Variants in SPATA17 observed in about 807,000 individuals in gnomAD.
SPATA17 encodes the protein spermatogenesis-associated protein 17.
SPATA17 carries 53 observed loss-of-function variants against 62.2 expected under a neutral mutation model. The observed-to-expected ratio is 0.85, with a 90% confidence interval of 0.68 to 1.07. SPATA17 has a LOEUF of 1.07. Ranked by LOEUF, SPATA17 falls within the 50% of genes least tolerant of loss-of-function variation. SPATA17 has a pLI of 0.00. For missense variants in SPATA17, 466 were observed against 425.5 expected, an observed-to-expected ratio of 1.10 and a Z score of -0.84; for synonymous variants, 146 against 146.8, an observed-to-expected ratio of 0.99 and a Z score of 0.04.
At chr1:217,661,672 C>G (rs1191087063) in intron 3 of SPATA17, among the ~76,000 whole-genome samples, 1 of 152,076 alleles carries the variant, frequency 6.6e-6, no homozygotes, top group African/African-American at 2.4e-5. Flanking sequence ...CAACATAACC[C>G]AAATTTGCCT....
intron 3 of SPATA17, among the ~76,000 whole-genome samples, chr1:217,658,737 G>A (rs370393355): frequency 5.3e-5 from 8 of 152,094 alleles, no homozygotes; most frequent in African/African-American, 1.7e-4. Flanking sequence ...CAGCCTGGGC[G>A]ACAGAGCGAG....
At chr1:217,684,949 G>T (rs1259810389) in intron 5 of SPATA17, among the ~76,000 whole-genome samples, 2 of 152,130 alleles carry the variant, frequency 1.3e-5, no homozygotes, top group Non-Finnish European at 2.9e-5. Flanking sequence ...AGCAGTTAAG[G>T]GGGGAAGGCT....
chr1:217,812,909 A>G (rs17046875), intron 9 of SPATA17, among the ~76,000 whole-genome samples: 5,862 of 152,234 alleles, frequency 0.039, 330 homozygotes, highest in African/African-American at 0.13. Context: ...AAAAATTCAG[A>G]AAGAGACTCT....
chr1:217,763,416 G>A (rs2102964687), intron 6 of SPATA17, among the ~76,000 whole-genome samples: 1 of 151,940 alleles, frequency 6.6e-6, no homozygotes, highest in African/African-American at 2.4e-5. Flanking sequence ...AAACATTTTT[G>A]GTGAGTTTGA....
In SPATA17 at chr1:217,870,889, T is replaced by C. The variant is rs1196248088; in HGVS notation, c.*3870T>C. 1.3e-5 allele frequency: 2 copies of C among 152,158 alleles called. No homozygotes were observed. The highest frequency in any genetic ancestry group is 1.9e-4 in the East Asian group (1 of 5,200). The allele number at this position is 152,158 out of a possible 1,614,324, so 9.4% of individuals were successfully genotyped here. A position where few individuals can be genotyped will look rare whatever the true frequency, so the allele number is the denominator to read the frequency against. On this transcript the variant is annotated 3_prime_UTR_variant, in exon 11 of 11. Coordinates refer to ENST00000366933, the MANE Select transcript of SPATA17 (RefSeq NM_138796.4). ...TGGACCCAACATCTAACAGAATACC[T>C]GGCATAAAGTGAAATCCATCGAATG...
rs181424482 is a variant in SPATA17 at position 217,735,279 on chromosome 1, A to C, written c.396-6696A>C. 2.0e-5 allele frequency among the ~76,000 whole-genome samples: 3 copies of C among 152,332 alleles called. No homozygotes were observed. The East Asian group carries it at 5.8e-4, about 29-fold the overall frequency. ...AGTTCTGGAGACTGGAAAATCCAAG[A>C]CAGGTGCCAACATATCCATCTGGTA... On this transcript the variant is annotated intron_variant, in intron 5 of 10. Transcript: ENST00000366933.
At chr1:217,818,729 G>A (rs932228378) in intron 9 of SPATA17, among the ~76,000 whole-genome samples, 1 of 151,322 alleles carries the variant, frequency 6.6e-6, no homozygotes, top group African/African-American at 2.4e-5. Context: ...CTGTATTTCT[G>A]GAAATATTTA....
chr1:217,870,888 C>G lies in SPATA17; in HGVS notation c.*3869C>G, dbSNP rs185161385. The G allele has an allele frequency of 9.7e-4, 148 of 152,252 alleles. No individual in the cohort carries two copies. The highest frequency in any genetic ancestry group is 3.2e-3 in the African/African-American group (135 of 41,564). The allele number at this position is 152,252 out of a possible 1,614,324, so 9.4% of individuals were successfully genotyped here. ...CTGGACCCAACATCTAACAGAATAC[C>G]TGGCATAAAGTGAAATCCATCGAAT... is the stretch of plus-strand genomic sequence containing the variant. On this transcript the variant is annotated 3_prime_UTR_variant, in exon 11 of 11. Coordinates refer to ENST00000366933, the MANE Select transcript of SPATA17 (RefSeq NM_138796.4).
chr1:217,653,457 G>T (rs915505842), intron 3 of SPATA17, among the ~76,000 whole-genome samples: 1 of 152,030 alleles, frequency 6.6e-6, no homozygotes, highest in Non-Finnish European at 1.5e-5. Context: ...AGGTGATCAG[G>T]ATAATTTGTA....
intron 1 of SPATA17, among the ~76,000 whole-genome samples, chr1:217,638,973 G>A (rs141127347): frequency 6.6e-6 from 1 of 152,004 alleles, no homozygotes; most frequent in East Asian, 1.9e-4. Flanking sequence ...ATACCCAGAG[G>A]ACTTGTTATG....
chr1:217,758,045 T>C (rs1368726022), intron 6 of SPATA17, among the ~76,000 whole-genome samples: 1 of 152,188 alleles, frequency 6.6e-6, no homozygotes, highest in Non-Finnish European at 1.5e-5. Flanking sequence ...TCTGCCTGGT[T>C]ATGTAATTTA....
At chr1:217,803,813 T>C (rs528218101) in intron 9 of SPATA17, among the ~76,000 whole-genome samples, 1 of 151,166 alleles carries the variant, frequency 6.6e-6, no homozygotes, top group East Asian at 2.0e-4. Context: ...AGATCAGGAG[T>C]TCGAGACCAG....
intron 7 of SPATA17, among the ~76,000 whole-genome samples, chr1:217,781,512 T>C (rs1673725891): frequency 6.6e-6 from 1 of 152,192 alleles, no homozygotes; most frequent in Admixed American, 6.6e-5. Context: ...AAGCAGGATA[T>C]GTTGTAAGTT....
chr1:217,820,899 G>A (rs1674841203), intron 9 of SPATA17, among the ~76,000 whole-genome samples: 1 of 152,098 alleles, frequency 6.6e-6, no homozygotes, highest in Non-Finnish European at 1.5e-5. Context: ...GGCTGCACAA[G>A]AAGCATGCTG....
chr1:217,827,833 G>C (rs1437055411), intron 9 of SPATA17, among the ~76,000 whole-genome samples: 2 of 152,116 alleles, frequency 1.3e-5, no homozygotes, highest in Admixed American at 1.3e-4. Flanking sequence ...GCTGAACAAT[G>C]AGAACACATG....
rs556742128 is a variant in SPATA17 at position 217,856,142 on chromosome 1, G to A, written c.1006-6632G>A. On this transcript the variant is annotated intron_variant, in intron 9 of 10. Transcript: ENST00000366933. ...CCCACATTGAAATAAAAGCAGGAAT[G>A]TGTATACTAAAGTCAAATATAAATG... 7.0e-4 allele frequency among the ~76,000 whole-genome samples: 107 copies of A among 152,278 alleles called. 1 individual carries two copies. The highest frequency in any genetic ancestry group is 2.3e-3 in the African/African-American group (96 of 41,558).
At chr1:217,733,638 TG>T (rs1234403720) in intron 5 of SPATA17, among the ~76,000 whole-genome samples, 5 of 152,242 alleles carry the variant, frequency 3.3e-5, no homozygotes, top group Admixed American at 1.3e-4. Flanking sequence ...TAAACATATT[TG>T]TGAATACCTG....
At chr1:217,727,803 G>A (rs1672303102) in intron 5 of SPATA17, among the ~76,000 whole-genome samples, 1 of 152,132 alleles carries the variant, frequency 6.6e-6, no homozygotes, top group Non-Finnish European at 1.5e-5. Context: ...ATAGACCTCA[G>A]CATGAATCTC....
In SPATA17 at chr1:217,824,576, G is replaced by T. The variant is rs191967831; in HGVS notation, c.1005+22726G>T. ...CTTTGGTTTTCTCTATACTGTTATTGTATATGTTTTTATTCCTAAATAATA... is the reference window on the plus strand; with the variant it reads ...CTTTGGTTTTCTCTATACTGTTATTTTATATGTTTTTATTCCTAAATAATA... On this transcript the variant is annotated intron_variant, in intron 9 of 10. Transcript: ENST00000366933. Among the ~76,000 whole-genome samples, 482 of 150,832 alleles carry T rather than the reference G, an allele frequency of 3.2e-3. 1 individual carries two copies. Among genetic ancestry groups the T allele is most frequent in the Middle Eastern group, 7.7e-3 (1 of 130 alleles).
Sources: gnomAD v4.1 joint callset for allele counts (sites outside exome capture counted in the v4.1 genomes callset) on GRCh38, gnomAD v4.1.1 for gene constraint, MANE v1.5 for transcripts, NCBI Gene and HGNC (gene_info 2026-07-23, HGNC 2026-07-21) for gene names.